Variants in TPCN1 observed in about 807,000 individuals in gnomAD.
TPCN1 encodes two pore segment channel 1, also known as two pore channel protein 1.
In TPCN1, 52 loss-of-function variants were observed where a neutral mutation model predicts 108.8. The observed-to-expected ratio is 0.48, with a 90% CI of 0.38 to 0.60. The LOEUF (loss-of-function observed/expected upper bound fraction) is 0.60, where lower values mean the gene tolerates loss of function less well. Among genes scored for constraint, TPCN1 ranks in the 20% least tolerant of loss-of-function variants. TPCN1 has a pLI of 0.00. For missense variants in TPCN1, 806 were observed against 1,072.8 expected (o/e 0.75, Z 3.47); for synonymous variants, 446 against 433.7 (o/e 1.03, Z -0.35).
At position 113,234,209 on chromosome 12, in the gene TPCN1, T is replaced by C. The variant is rs77933636; in HGVS notation, c.112+7245T>C. Among the ~76,000 whole-genome samples the C allele has an allele frequency of 1.9e-3, 286 of 152,282 alleles. 1 individual carries two copies. The highest frequency in any genetic ancestry group is 8.9e-3 in the East Asian group (46 of 5,194). On this transcript the variant is annotated intron_variant, in intron 2 of 27. Coordinates refer to ENST00000335509, the MANE Select transcript of TPCN1 (RefSeq NM_017901.6). ...ACAAAGGACAGCTACAGTGTCACCA[T>C]CTGTGGAAACTAGGCTTTTCCCCCA... is the stretch of plus-strand genomic sequence containing the variant.
chr12:113,254,089 G>A (rs1954746714), intron 2 of TPCN1, among the ~76,000 whole-genome samples: 1 of 152,150 alleles, frequency 6.6e-6, no homozygotes, highest in Non-Finnish European at 1.5e-5. Context: ...TTAGCCTCTT[G>A]GCAAATTTCT....
chr12:113,276,251 T>C (rs1452525399), intron 10 of TPCN1, among the ~76,000 whole-genome samples: 2 of 151,802 alleles, frequency 1.3e-5, no homozygotes, highest in African/African-American at 4.8e-5. Context: ...GACCAGAGAG[T>C]TTCCCTTAAA....
Position 113,260,447 on chromosome 12 carries a change from A to T in TPCN1, c.192A>T (p.Ala64=). ...GTGAGAGTTCCCCCTCCAGCCCCGC[A>T]CACAACTGGGAGATGAATTACCAAG... ...SGGESSPSSP[A]HNWEMNYQEA... The change falls in exon 3 of 28, where the codon GCA becomes GCT. Residue 64 remains alanine, a synonymous_variant. Coordinates refer to ENST00000335509, the MANE Select transcript of TPCN1 (RefSeq NM_017901.6). 1 of 1,562,814 alleles carries T rather than the reference A, an allele frequency of 6.4e-7. No homozygotes were observed. Among genetic ancestry groups the T allele is most frequent in the Non-Finnish European group, 8.6e-7 (1 of 1,158,126 alleles).
rs1255772652 is a variant in TPCN1, at chr12:113,266,296, G to A, written c.354G>A (p.Leu118=). 3.7e-6 allele frequency: 6 copies of A among 1,612,830 alleles called. No homozygotes were observed. Among genetic ancestry groups the A allele is most frequent in the Non-Finnish European group, 5.1e-6 (6 of 1,180,012 alleles). The change falls in exon 4 of 28, where the codon CTG becomes CTA. Residue 118 remains leucine (L), a synonymous_variant. Transcript: ENST00000335509. The surrounding 1 kb of genome is among the most constrained non-coding windows in gnomAD (Gnocchi z 4.2). ...FYLMELATAL[L]LLLLSLCEAP... ...TGATGGAGCTGGCCACGGCCCTGCT[G>A]CTGCTGCTGCTCTCCCTGTGCGAGG... is the stretch of plus-strand genomic sequence containing the variant.
intron 3 of TPCN1, among the ~76,000 whole-genome samples, chr12:113,265,639 C>T (rs1218206275): frequency 2.6e-5 from 4 of 151,668 alleles, no homozygotes; most frequent in Admixed American, 1.3e-4. Context: ...TTTGACCTCC[C>T]GGGCTCAAGT....
chr12:113,229,874 G>A (rs1462333391), intron 2 of TPCN1, among the ~76,000 whole-genome samples: 1 of 152,192 alleles, frequency 6.6e-6, no homozygotes, highest in Non-Finnish European at 1.5e-5. Flanking sequence ...TCCCTCTATG[G>A]GGGTTGGGGA....
chr12:113,260,085 T>C (rs1210487923), intron 2 of TPCN1, among the ~76,000 whole-genome samples: 3 of 152,222 alleles, frequency 2.0e-5, no homozygotes, highest in Non-Finnish European at 2.9e-5. Context: ...GATAAGTCGA[T>C]GTATTTATGT....
In TPCN1 at chr12:113,267,882, G is replaced by A. The variant is rs1209809084; in HGVS notation, c.454G>A (p.Val152Met). 1 of 1,614,064 alleles carries A rather than the reference G, an allele frequency of 6.2e-7. No individual in the cohort carries two copies. The highest frequency in any genetic ancestry group is 8.5e-7 in the Non-Finnish European group (1 of 1,180,028). Residue 152 changes from valine (V) to methionine (M), a missense_variant, in exon 5 of 28, where the codon GTG becomes ATG. Physicochemically the swap from Val to Met is conservative, Grantham distance 21. Transcript: ENST00000335509. ...TLELFALMVV[V>M]FELCMKLRWL... Reference sequence around the variant, plus strand: ...GGAGCTGTTTGCCCTGATGGTGGTAGTGTTTGAACTCTGCATGAAGTTACG... The same window carrying A: ...GGAGCTGTTTGCCCTGATGGTGGTAATGTTTGAACTCTGCATGAAGTTACG...
At chr12:113,243,501 C>T (rs1188816762) in intron 2 of TPCN1, among the ~76,000 whole-genome samples, 1 of 152,192 alleles carries the variant, frequency 6.6e-6, no homozygotes, top group Non-Finnish European at 1.5e-5. Context: ...TCCCTATAAT[C>T]CCAGCACTTT....
Position 113,298,451 on chromosome 12 carries a change from C to T in TPCN1, c.*2375C>T, listed in dbSNP as rs886773444. On this transcript the variant is annotated 3_prime_UTR_variant, in exon 28 of 28. Coordinates refer to ENST00000335509, the MANE Select transcript of TPCN1 (RefSeq NM_017901.6). ...CTCCCACAGCCCCAGCCTTACTCCA[C>T]CATGCGGACAATCATTTTGTACGGA... 6.6e-6 allele frequency: 1 copy of T among 152,340 alleles called. No homozygotes were observed. Among genetic ancestry groups the T allele is most frequent in the Admixed American group, 6.5e-5 (1 of 15,290 alleles). The allele number at this position is 152,340 out of a possible 1,614,324, so 9.4% of individuals were successfully genotyped here.
In TPCN1 at chr12:113,287,083, C is replaced by A; in HGVS notation, c.1623C>A (p.Leu541=). The change falls in exon 19 of 28, where the codon CTC becomes CTA. Residue 541 remains leucine (L), a synonymous_variant. Coordinates refer to ENST00000335509, the MANE Select transcript of TPCN1 (RefSeq NM_017901.6). ...ATTTCATCGTGGTCCTGCGCCCCCT[C>A]CAGCTGCTGAGGTGATGGGCAGGGC... The part of the protein sequence containing the change: ...PFYFIVVLRP[L]QLLRLFKLKE... 1.9e-6 allele frequency: 3 copies of A among 1,613,352 alleles called. No individual in the cohort carries two copies. The highest frequency in any genetic ancestry group is 2.5e-6 in the Non-Finnish European group (3 of 1,179,658).
Position 113,260,556 on chromosome 12 carries a change from ACT to A in TPCN1, c.237+67_237+68del, listed in dbSNP as rs1954991875. On this transcript the variant is annotated intron_variant, in intron 3 of 27. Coordinates refer to ENST00000335509, the MANE Select transcript of TPCN1 (RefSeq NM_017901.6). ...CTGTTGGTGGGGTGGGGCAGCCAAG[ACT>A]CTGTTAGGTGCCCAGAAATTCAGTT... 18 of 1,527,664 alleles carry A rather than the reference ACT, an allele frequency of 1.2e-5. No homozygotes were observed. The South Asian group carries it at 2.3e-4, about 20-fold the overall frequency. The allele number at this position is 1,527,664 out of a possible 1,614,324, so 94.6% of individuals were successfully genotyped here.
intron 2 of TPCN1, among the ~76,000 whole-genome samples, chr12:113,234,381 A>T (rs1953804803): frequency 6.6e-6 from 1 of 152,206 alleles, no homozygotes; most frequent in African/African-American, 2.4e-5. Context: ...GAAGAGGAGC[A>T]GTTTGGAGCG....
chr12:113,261,546 A>G lies in TPCN1; in HGVS notation c.237+1054A>G, dbSNP rs1252985129. On this transcript the variant is annotated intron_variant, in intron 3 of 27. Coordinates refer to ENST00000335509, the MANE Select transcript of TPCN1 (RefSeq NM_017901.6). ...CGGGTTCAAGCGATTTTCCTGCCTC[A>G]GCCTCCGGAGTAGCTGGGACCACAG... Among the ~76,000 whole-genome samples, 44 of 149,976 alleles carry G rather than the reference A, an allele frequency of 2.9e-4. 1 individual carries two copies. Among genetic ancestry groups the G allele is most frequent in the Non-Finnish European group, 4.4e-5 (3 of 67,816 alleles).
rs1954271424 is a variant in TPCN1, at chr12:113,244,488, T to C, written c.113-15880T>C. ...GAAAGAGAAGGCCTGAGCAGGGGGA[T>C]GTGCATTTTGCTTTCTTTCGGCGTA... On this transcript the variant is annotated intron_variant, in intron 2 of 27. Coordinates refer to ENST00000335509, the MANE Select transcript of TPCN1 (RefSeq NM_017901.6). 3 of 985,330 alleles carry C rather than the reference T, an allele frequency of 3.0e-6. No individual in the cohort carries two copies. The African/African-American group carries it at 5.2e-5, about 17-fold the overall frequency. 61.0% of individuals were successfully genotyped at this position (985,330 alleles called of 1,614,324 possible). A position where few individuals can be genotyped will look rare whatever the true frequency, so the allele number is the denominator to read the frequency against.
intron 25 of TPCN1, 51 bp downstream of exon 25, chr12:113,292,009 C>G: frequency 6.6e-7 from 1 of 1,517,864 alleles, no homozygotes. Context: ...GCCTACCCAG[C>G]TCTGTCTGTC....
chr12:113,292,781 A>T (rs1375738126), intron 25 of TPCN1, 153 bp from the exon 26 acceptor site: 1 of 828,658 alleles, frequency 1.2e-6, no homozygotes. Flanking sequence ...AAGGGAAAGG[A>T]GGGCCAACGA....
In TPCN1 at chr12:113,273,715, C is replaced by A; in HGVS notation, c.942+47C>A. On this transcript the variant is annotated intron_variant, in intron 10 of 27. Coordinates refer to ENST00000335509, the MANE Select transcript of TPCN1 (RefSeq NM_017901.6). The surrounding 1 kb of genome is among the most constrained non-coding windows in gnomAD (Gnocchi z 4.0). ...TACGCTGAAGCAGCCTGCCCCTACC[C>A]ATGCAGCACTAGGCACTGTGGGAGT... 1 of 1,431,616 alleles carries A rather than the reference C, an allele frequency of 7.0e-7. No homozygotes were observed. Among genetic ancestry groups the A allele is most frequent in the Non-Finnish European group, 9.8e-7 (1 of 1,015,522 alleles). 88.7% of individuals were successfully genotyped at this position (1,431,616 alleles called of 1,614,324 possible). A position where few individuals can be genotyped will look rare whatever the true frequency, so the allele number is the denominator to read the frequency against.
intron 2 of TPCN1, among the ~76,000 whole-genome samples, chr12:113,237,606 A>G (rs1247977530): frequency 6.6e-6 from 1 of 151,946 alleles, no homozygotes; most frequent in African/African-American, 2.4e-5. Flanking sequence ...TGATCTGCCC[A>G]CCTCGGCCTC....
Sources: gnomAD v4.1 joint callset for allele counts (sites outside exome capture counted in the v4.1 genomes callset) on GRCh38, gnomAD v4.1.1 for gene constraint, Gnocchi (gnomAD v3.1) non-coding constraint, MANE v1.5 for transcripts, NCBI Gene and HGNC (gene_info 2026-07-23, HGNC 2026-07-21) for gene names.